Variants in SLC29A4 observed in about 807,000 individuals in gnomAD.
The protein encoded by SLC29A4 is equilibrative nucleoside transporter 4.
Under a neutral mutation model 43.9 loss-of-function variants are expected in SLC29A4, and 36 were observed. The observed-to-expected ratio is 0.82, with a 90% CI of 0.63 to 1.08. The LOEUF is 1.08. Among genes scored for constraint, SLC29A4 ranks in the 50% least tolerant of loss-of-function variants. The probability of loss-of-function intolerance (pLI) is 0.00; values close to 1 mark genes in which losing one functional copy is unlikely to be tolerated. For missense variants in SLC29A4, 869 were observed against 755.3 expected, an observed-to-expected ratio of 1.15 and a Z score of -1.77; for synonymous variants, 491 against 338.0, an observed-to-expected ratio of 1.45 and a Z score of -4.97.
chr7:5,304,141 C>G lies in SLC29A4; in HGVS notation c.*1202C>G, dbSNP rs777503038. 1.3e-5 allele frequency: 2 copies of G among 152,338 alleles called. No individual in the cohort carries two copies. The highest frequency in any genetic ancestry group is 2.4e-5 in the African/African-American group (1 of 41,480). The allele number at this position is 152,338 out of a possible 1,614,324, so 9.4% of individuals were successfully genotyped here. Reference sequence around the variant, plus strand: ...GATACCGGTGGAACTCGGGCTGCCCCGCATAAGCCGGTCCTCAGTCTTCCC... The same window carrying G: ...GATACCGGTGGAACTCGGGCTGCCCGGCATAAGCCGGTCCTCAGTCTTCCC... On this transcript the variant is annotated 3_prime_UTR_variant, in exon 11 of 11. Transcript: ENST00000396872.
intron 9 of SLC29A4, 143 bp from the exon 10 acceptor site, chr7:5,300,279 A>T: frequency 3.2e-6 from 4 of 1,260,918 alleles, no homozygotes; most frequent in Non-Finnish European, 4.4e-6. Flanking sequence ...TAGAGGGGTG[A>T]TCCGGAGAAG....
intron 1 of SLC29A4, among the ~76,000 whole-genome samples, chr7:5,283,902 G>A (rs1394246073): frequency 6.6e-6 from 1 of 152,178 alleles, no homozygotes; most frequent in African/African-American, 2.4e-5. Context: ...CCCCGAGTGA[G>A]GCCAGACTGG....
intron 2 of SLC29A4, among the ~76,000 whole-genome samples, chr7:5,289,726 A>G (rs1353542747): frequency 1.3e-5 from 2 of 151,896 alleles, no homozygotes; most frequent in African/African-American, 2.4e-5. Context: ...GCTCCCATAG[A>G]CAGCTCCCTA....
chr7:5,289,157 G>T (rs750065951), intron 2 of SLC29A4, among the ~76,000 whole-genome samples: 1 of 152,150 alleles, frequency 6.6e-6, no homozygotes, highest in Non-Finnish European at 1.5e-5. Context: ...AGCACTTTGG[G>T]AGGCTGAGGC....
chr7:5,297,083 G>A lies in SLC29A4; in HGVS notation c.767G>A (p.Arg256His), dbSNP rs1329261763. 6 of 1,607,870 alleles carry A rather than the reference G, an allele frequency of 3.7e-6. No individual in the cohort carries two copies. Among genetic ancestry groups the A allele is most frequent in the Admixed American group, 1.7e-5 (1 of 59,990 alleles). ...FLLHLLVRRS[R>H]FVLFYTTRPR... ...CTGCACCTGTTAGTGCGGCGCAGCCGCTTCGTGCTCTTCTATACCACACGG... is the reference window on the plus strand; with the variant it reads ...CTGCACCTGTTAGTGCGGCGCAGCCACTTCGTGCTCTTCTATACCACACGG... Residue 256 changes from arginine to histidine, a missense_variant, in exon 7 of 11, where the codon CGC becomes CAC. Coordinates refer to ENST00000396872, the MANE Select transcript of SLC29A4 (RefSeq NM_153247.4).
chr7:5,289,797 C>CA lies in SLC29A4; in HGVS notation c.170-933dup, dbSNP rs536368546. ...GGTCATACCGCCACCGAGCATGATA[C>CA]AAGAACCCGGTACAACCCCAGACAT... On this transcript the variant is annotated intron_variant, in intron 2 of 10. Transcript: ENST00000396872. Among the ~76,000 whole-genome samples, 367 of 152,286 alleles carry CA rather than the reference C, an allele frequency of 2.4e-3. 3 individuals are homozygous for CA. Among genetic ancestry groups the CA allele is most frequent in the African/African-American group, 8.3e-3 (346 of 41,534 alleles).
At chr7:5,298,841 T>A in intron 7 of SLC29A4, 147 bp from the exon 8 acceptor site, 1 of 804,870 alleles carries the variant, frequency 1.2e-6, no homozygotes. Flanking sequence ...CTTGATAAAG[T>A]GGAGGAGGGG....
intron 9 of SLC29A4, 58 bp from the exon 10 acceptor site, chr7:5,300,364 T>C: frequency 1.9e-6 from 3 of 1,601,504 alleles, no homozygotes; most frequent in Middle Eastern, 2.3e-4. Context: ...CTGTCGGGGG[T>C]GTGAGGCGAG....
intron 1 of SLC29A4, among the ~76,000 whole-genome samples, chr7:5,287,479 T>C (rs1785030072): frequency 6.6e-6 from 1 of 151,664 alleles, no homozygotes; most frequent in African/African-American, 2.4e-5. Context: ...CTTAAATTAA[T>C]GTCCTCTGGA....
In SLC29A4 at chr7:5,284,043, C is replaced by G. The variant is rs942594351; in HGVS notation, c.-9+961C>G. ...GTCTGAGCTGCACGACCCCCCCCCCCACCCCCGACTTGGCCTCTCTGTGCC... is the reference window on the plus strand; with the variant it reads ...GTCTGAGCTGCACGACCCCCCCCCCGACCCCCGACTTGGCCTCTCTGTGCC... On this transcript the variant is annotated intron_variant, in intron 1 of 10. Transcript: ENST00000396872. Among the ~76,000 whole-genome samples, 26 of 64,806 alleles carry G rather than the reference C, an allele frequency of 4.0e-4. No homozygotes were observed. In the South Asian group the frequency reaches 4.8e-3, roughly 12 times the overall value. 42.5% of individuals were successfully genotyped at this position (64,806 alleles called of 152,430 possible).
At chr7:5,289,867 C>T (rs1785194082) in intron 2 of SLC29A4, among the ~76,000 whole-genome samples, 1 of 152,042 alleles carries the variant, frequency 6.6e-6, no homozygotes, top group African/African-American at 2.4e-5. Context: ...GTTCACTCTT[C>T]TCCTTCCATA....
intron 7 of SLC29A4, among the ~76,000 whole-genome samples, chr7:5,298,069 C>T (rs539114832): frequency 9.9e-5 from 15 of 152,232 alleles, no homozygotes; most frequent in Admixed American, 2.0e-4. Context: ...CATGCAGAGG[C>T]GGGGCGAGGG....
At chr7:5,297,234 G>T (rs747694102) in intron 7 of SLC29A4, 36 bp downstream of exon 7, 157 of 316,250 alleles carry the variant, frequency 5.0e-4, no homozygotes, top group Non-Finnish European at 5.8e-4. Context: ...TCCCTTCTCT[G>T]TCCCCTTCTC....
Position 5,299,319 on chromosome 7 carries a change from G to T in SLC29A4, c.1101G>T (p.Thr367=), listed in dbSNP as rs185981556. The T allele has an allele frequency of 1.2e-6, 2 of 1,612,014 alleles. No individual in the cohort carries two copies. Among genetic ancestry groups the T allele is most frequent in the African/African-American group, 1.3e-5 (1 of 74,992 alleles). Residue 367 remains threonine (T), a synonymous_variant, in exon 9 of 11, where the codon ACG becomes ACT. Transcript: ENST00000396872. ...CCATCGCCGTGACCTACTTCATCAC[G>T]CTGTGCCTGTTCCCCGGCCTCGAGT... ...MLSIAVTYFI[T]LCLFPGLESE... is the part of the protein sequence containing the mutation.
At chr7:5,285,191 G>GC (rs1257002872) in intron 1 of SLC29A4, among the ~76,000 whole-genome samples, 1 of 152,170 alleles carries the variant, frequency 6.6e-6, no homozygotes, top group Non-Finnish European at 1.5e-5. Flanking sequence ...AGACAGGTGT[G>GC]CGGAGCCCGC....
intron 2 of SLC29A4, among the ~76,000 whole-genome samples, chr7:5,288,451 C>T (rs1743269946): frequency 6.6e-6 from 1 of 151,896 alleles, no homozygotes; most frequent in African/African-American, 2.4e-5. Context: ...ACGGCAGGTG[C>T]CTGCCACCGT....
intron 6 of SLC29A4, 37 bp from the exon 7 acceptor site, chr7:5,296,899 G>A: frequency 3.5e-6 from 5 of 1,441,226 alleles, no homozygotes; most frequent in African/African-American, 1.4e-5. Context: ...AGGGAGCTGG[G>A]CGGATCAGGC....
chr7:5,290,679 A>T, intron 2 of SLC29A4, 53 bp from the exon 3 acceptor site: 1 of 1,566,020 alleles, frequency 6.4e-7, no homozygotes. Flanking sequence ...CTGTGCGGTG[A>T]CTGTAGCCAT....
chr7:5,305,338 T>C lies in SLC29A4; in HGVS notation c.*2399T>C, dbSNP rs1262013548. 1.4e-4 allele frequency: 21 copies of C among 152,124 alleles called. No individual in the cohort carries two copies. Among genetic ancestry groups the C allele is most frequent in the Admixed American group, 1.2e-3 (18 of 15,262 alleles). 9.4% of individuals were successfully genotyped at this position (152,124 alleles called of 1,614,324 possible). Reference sequence around the variant, plus strand: ...AGGCCGGCTGGCTGCCCTCCATGGGTTACCCTCTTTGCAAAGCCCCGAATG... The same window carrying C: ...AGGCCGGCTGGCTGCCCTCCATGGGCTACCCTCTTTGCAAAGCCCCGAATG... On this transcript the variant is annotated 3_prime_UTR_variant, in exon 11 of 11. Coordinates refer to ENST00000396872, the MANE Select transcript of SLC29A4 (RefSeq NM_153247.4).
Sources: gnomAD v4.1 joint callset for allele counts (sites outside exome capture counted in the v4.1 genomes callset) on GRCh38, gnomAD v4.1.1 for gene constraint, MANE v1.5 for transcripts, NCBI Gene and HGNC (gene_info 2026-07-23, HGNC 2026-07-21) for gene names.